The following PTPRT variants were observed in gnomAD, a reference collection of about 807,000 sequenced individuals.
PTPRT encodes receptor-type tyrosine-protein phosphatase T.
PTPRT carries 56 observed loss-of-function variants against 176.8 expected under a neutral mutation model. The observed-to-expected ratio is 0.32, with a 90% CI of 0.26 to 0.40. The LOEUF (loss-of-function observed/expected upper bound fraction) is 0.40, where lower values mean the gene tolerates loss of function less well. Ranked by LOEUF, PTPRT falls within the 10% of genes least tolerant of loss-of-function variation. The pLI, the probability that PTPRT is intolerant of heterozygous loss-of-function variation, is 1.00. For missense variants in PTPRT, 1,540 were observed against 1,908.2 expected (o/e 0.81, Z 3.60); for synonymous variants, 783 against 739.0 (o/e 1.06, Z -0.96).
chr20:42,758,530 G>A (rs2076870213), intron 5 of PTPRT, among the ~76,000 whole-genome samples: 1 of 152,110 alleles, frequency 6.6e-6, no homozygotes, highest in Non-Finnish European at 1.5e-5. Context: ...GGAGATTGTA[G>A]GTAATATTTT....
At chr20:42,749,392 A>G (rs2076737667) in intron 6 of PTPRT, among the ~76,000 whole-genome samples, 1 of 151,870 alleles carries the variant, frequency 6.6e-6, no homozygotes, top group African/African-American at 2.4e-5. Flanking sequence ...GCTATCCCAG[A>G]CTCTTCCAGA....
chr20:42,675,296 T>C (rs1474959903), intron 7 of PTPRT, among the ~76,000 whole-genome samples: 1 of 152,240 alleles, frequency 6.6e-6, no homozygotes, highest in East Asian at 1.9e-4. Flanking sequence ...GCGTTTCAGA[T>C]TTCAGATTTT....
chr20:43,050,952 G>A (rs1339818212), intron 1 of PTPRT, among the ~76,000 whole-genome samples: 1 of 152,162 alleles, frequency 6.6e-6, no homozygotes, highest in East Asian at 1.9e-4. Flanking sequence ...TCCTCCCAAG[G>A]CAGTTTTTTG....
intron 5 of PTPRT, among the ~76,000 whole-genome samples, chr20:42,767,876 T>A (rs59241194): frequency 6.8e-6 from 1 of 146,408 alleles, no homozygotes; most frequent in South Asian, 2.1e-4. Flanking sequence ...GTATAACATA[T>A]AATTATACAT....
chr20:42,405,194 T>G (rs536118151), intron 9 of PTPRT, among the ~76,000 whole-genome samples: 1 of 151,124 alleles, frequency 6.6e-6, no homozygotes, highest in African/African-American at 2.4e-5. Context: ...TCTTTTTTTT[T>G]TCTTTTTTTT....
At chr20:42,713,771 C>T (rs2076181872) in intron 6 of PTPRT, among the ~76,000 whole-genome samples, 1 of 152,066 alleles carries the variant, frequency 6.6e-6, no homozygotes, top group East Asian at 1.9e-4. Context: ...ACTGTCCTTA[C>T]TATAGTGAGT....
chr20:42,356,399 T>C (rs2058358541), intron 9 of PTPRT, among the ~76,000 whole-genome samples: 3 of 152,042 alleles, frequency 2.0e-5, no homozygotes, highest in African/African-American at 7.2e-5. Context: ...AGGTGCTTCA[T>C]AACAAAAATC....
intron 7 of PTPRT, among the ~76,000 whole-genome samples, chr20:42,543,570 C>T (rs1160827734): frequency 6.6e-6 from 1 of 151,980 alleles, no homozygotes; most frequent in East Asian, 1.9e-4. Context: ...TTCTCCCACA[C>T]TCCTGTTATT....
chr20:42,067,597 A>G, the PTPRT span, among the ~76,000 whole-genome samples: 4 of 152,168 alleles, frequency 2.6e-5, no homozygotes. Flanking sequence ...TAGGCTCACC[A>G]AGTATTTTCA....
intron 9 of PTPRT, among the ~76,000 whole-genome samples, chr20:42,379,585 C>G (rs1474428375): frequency 5.3e-5 from 8 of 152,218 alleles, no homozygotes; most frequent in Admixed American, 4.6e-4. Context: ...CCAGCTCCAC[C>G]CCTTCTCCAC....
intron 1 of PTPRT, among the ~76,000 whole-genome samples, chr20:43,070,204 A>G (rs115991367): frequency 0.027 from 4,109 of 152,268 alleles, 203 homozygotes; most frequent in African/African-American, 0.094. Context: ...CCAGCAGGTG[A>G]CCAGCCCCAG....
At position 42,282,503 on chromosome 20, in the gene PTPRT, C is replaced by T. The variant is rs370795038; in HGVS notation, c.2162G>A (p.Arg721His). The T allele has an allele frequency of 2.7e-5, 43 of 1,609,344 alleles. No individual in the cohort carries two copies. Among genetic ancestry groups the T allele is most frequent in the South Asian group, 5.5e-5 (5 of 90,308 alleles). Reference sequence around the variant, plus strand: ...TGCCAACATACCTTTTGTAGCCAGACGAACACAGTTGATTTTGGTCTCCTG... The same window carrying T: ...TGCCAACATACCTTTTGTAGCCAGATGAACACAGTTGATTTTGGTCTCCTG... ...ANGETKINCV[R>H]LATKGASTQN... Residue 721 changes from arginine (R) to histidine (H), a missense_variant, in exon 13 of 31, where the codon CGT (arginine) becomes CAT (histidine). Coordinates refer to ENST00000373187, the MANE Select transcript of PTPRT (RefSeq NM_007050.6).
At chr20:42,758,995 C>T (rs2076877301) in intron 5 of PTPRT, among the ~76,000 whole-genome samples, 1 of 152,122 alleles carries the variant, frequency 6.6e-6, no homozygotes, top group African/African-American at 2.4e-5. Flanking sequence ...CATGCAATGC[C>T]CCGGAAATTC....
At chr20:43,177,961 C>G (rs1299409148) in intron 1 of PTPRT, among the ~76,000 whole-genome samples, 1 of 152,128 alleles carries the variant, frequency 6.6e-6, no homozygotes, top group African/African-American at 2.4e-5. Context: ...AGGGATCTTC[C>G]AAGAGGAAAA....
At chr20:42,794,093 G>A (rs895447405) in intron 2 of PTPRT, among the ~76,000 whole-genome samples, 11 of 152,120 alleles carry the variant, frequency 7.2e-5, no homozygotes, top group South Asian at 4.1e-4. Flanking sequence ...TCCTAGCTTC[G>A]GTAGCAGGGC....
Position 42,702,576 on chromosome 20 carries a change from A to G in PTPRT, c.860-24417T>C, listed in dbSNP as rs1049498095. Among the ~76,000 whole-genome samples the G allele has an allele frequency of 3.9e-5, 6 of 152,154 alleles. 1 individual carries two copies. Among genetic ancestry groups the G allele is most frequent in the Non-Finnish European group, 8.8e-5 (6 of 68,032 alleles). On this transcript the variant is annotated intron_variant, in intron 6 of 30. Transcript: ENST00000373187. ...AGCAAAACTCTTAACAATCTACTTC[A>G]GTGCATCTCCATAAACAGTGGCCGT...
chr20:43,112,943 C>G (rs896339748), intron 1 of PTPRT, among the ~76,000 whole-genome samples: 1 of 151,506 alleles, frequency 6.6e-6, no homozygotes, highest in Non-Finnish European at 1.5e-5. Flanking sequence ...AACGTATCTC[C>G]TGGGGTTTTG....
At chr20:43,088,333 GGTGTGTGTGTGTGT>G (rs67837016) in intron 1 of PTPRT, among the ~76,000 whole-genome samples, 39 of 142,758 alleles carry the variant, frequency 2.7e-4, no homozygotes, top group South Asian at 4.6e-4. Flanking sequence ...TTTGCTTTGG[GGTGTGTGTGTGTGT>G]GTGTGTGTGT....
At chr20:42,860,049 A>T (rs1297850309) in intron 2 of PTPRT, among the ~76,000 whole-genome samples, 1 of 152,124 alleles carries the variant, frequency 6.6e-6, no homozygotes, top group African/African-American at 2.4e-5. Flanking sequence ...TGTTTTCCAA[A>T]TTTTACATTT....
Sources: allele counts gnomAD v4.1 joint callset (sites outside exome capture counted in the v4.1 genomes callset), GRCh38; gene constraint gnomAD v4.1.1; transcripts MANE v1.5; gene names NCBI Gene and HGNC (gene_info 2026-07-23, HGNC 2026-07-21).